NEDD9: variants seen among roughly 807,000 people sequenced by gnomAD.
NEDD9 encodes enhancer of filamentation 1.
Under a neutral mutation model 76.6 loss-of-function variants are expected in NEDD9, and 26 were observed. The observed-to-expected ratio is 0.34, with a 90% CI of 0.25 to 0.47. NEDD9 has a LOEUF of 0.47. NEDD9 is among the 20% of genes least tolerant of loss of function. The pLI, the probability that NEDD9 is intolerant of heterozygous loss-of-function variation, is 1.00. For missense variants in NEDD9, 937 were observed against 1,058.5 expected (o/e 0.89, Z 1.59); for synonymous variants, 392 against 414.2 (o/e 0.95, Z 0.65).
At chr6:11,353,342 A>G (rs1438765075) in intron 1 of NEDD9, among the ~76,000 whole-genome samples, 2 of 152,192 alleles carry the variant, frequency 1.3e-5, no homozygotes, top group African/African-American at 4.8e-5. Context: ...ATACAATATG[A>G]CTGCTGTTTT....
At chr6:11,381,842 C>T (rs1190958720) in intron 1 of NEDD9, among the ~76,000 whole-genome samples, 1 of 152,172 alleles carries the variant, frequency 6.6e-6, no homozygotes, top group Non-Finnish European at 1.5e-5. Flanking sequence ...TCTCTGACGA[C>T]AGTAGGAAGA....
At chr6:11,271,207 C>T (rs1446610579) in intron 3 of NEDD9, among the ~76,000 whole-genome samples, 1 of 151,976 alleles carries the variant, frequency 6.6e-6, no homozygotes, top group Non-Finnish European at 1.5e-5. Context: ...TTTTTTTAAC[C>T]TTATTGTTTT....
intron 2 of NEDD9, among the ~76,000 whole-genome samples, chr6:11,332,762 T>C (rs1208077765): frequency 6.6e-6 from 1 of 152,172 alleles, no homozygotes; most frequent in Non-Finnish European, 1.5e-5. Flanking sequence ...GTTCTCAGCA[T>C]CTAGCACCAT....
At chr6:11,351,773 C>T (rs2113536239) in intron 1 of NEDD9, among the ~76,000 whole-genome samples, 1 of 152,320 alleles carries the variant, frequency 6.6e-6, no homozygotes, top group South Asian at 2.1e-4. Context: ...CTTCATTTCC[C>T]CTCAAAGGCT....
At chr6:11,378,533 A>G (rs1485644082) in intron 1 of NEDD9, among the ~76,000 whole-genome samples, 3 of 152,222 alleles carry the variant, frequency 2.0e-5, no homozygotes, top group Non-Finnish European at 4.4e-5. Context: ...AGGGGCACAC[A>G]GCAGGCTTTC....
intron 3 of NEDD9, among the ~76,000 whole-genome samples, chr6:11,301,896 G>T (rs1437464860): frequency 6.6e-6 from 1 of 152,144 alleles, no homozygotes; most frequent in Non-Finnish European, 1.5e-5. Context: ...AGCACTAAAT[G>T]CATACAAGAG....
At chr6:11,251,909 C>T (rs541013145) in intron 3 of NEDD9, among the ~76,000 whole-genome samples, 16 of 152,172 alleles carry the variant, frequency 1.1e-4, no homozygotes, top group Non-Finnish European at 2.1e-4. Context: ...TGTGCTGCTT[C>T]ATGCTTTGGC....
At chr6:11,365,475 A>T (rs978244014) in intron 1 of NEDD9, among the ~76,000 whole-genome samples, 1 of 152,240 alleles carries the variant, frequency 6.6e-6, no homozygotes, top group Admixed American at 6.5e-5. Context: ...ACACTCCTTG[A>T]AATAAGTAGA....
intron 2 of NEDD9, among the ~76,000 whole-genome samples, chr6:11,197,636 G>A (rs1030627773): frequency 1.3e-5 from 2 of 152,158 alleles, no homozygotes; most frequent in African/African-American, 4.8e-5. Context: ...CTGGGTCCTG[G>A]CAGGATAGGA....
chr6:11,205,896 G>A (rs1758595446), intron 2 of NEDD9, among the ~76,000 whole-genome samples: 1 of 152,154 alleles, frequency 6.6e-6, no homozygotes, highest in Admixed American at 6.5e-5. Flanking sequence ...CCAAAGTGCT[G>A]GAATTACAGG....
chr6:11,250,745 C>T (rs767600502), intron 3 of NEDD9, among the ~76,000 whole-genome samples: 9 of 152,174 alleles, frequency 5.9e-5, no homozygotes, highest in African/African-American at 1.9e-4. Flanking sequence ...CCCCACATCC[C>T]GTCTCTCATT....
rs181974915 is a variant in NEDD9 at position 11,307,940 on chromosome 6, G to A, written c.-152-1785C>T. ...CCATGAACTTTCTCAAGGGGAAAGA[G>A]GTCTGTGGGGCCAAGAGACCATGCC... On this transcript the variant is annotated intron_variant, in intron 2 of 3. Coordinates refer to the NEDD9 transcript ENST00000397378. 2.8e-3 allele frequency among the ~76,000 whole-genome samples: 425 copies of A among 152,156 alleles called. 1 individual carries two copies. Among genetic ancestry groups the A allele is most frequent in the Non-Finnish European group, 4.3e-3 (291 of 68,004 alleles).
chr6:11,266,967 G>A (rs1262445904), intron 3 of NEDD9, among the ~76,000 whole-genome samples: 3 of 152,212 alleles, frequency 2.0e-5, no homozygotes, highest in Non-Finnish European at 4.4e-5. Context: ...TGAATCAGGA[G>A]CAAAGTATCA....
At chr6:11,293,274 A>G (rs1760818667) in intron 3 of NEDD9, among the ~76,000 whole-genome samples, 1 of 151,784 alleles carries the variant, frequency 6.6e-6, no homozygotes, top group Non-Finnish European at 1.5e-5. Flanking sequence ...GAGAAATTGG[A>G]GGTTCAGAGA....
At chr6:11,282,264 T>C (rs988380115) in intron 3 of NEDD9, among the ~76,000 whole-genome samples, 1 of 152,228 alleles carries the variant, frequency 6.6e-6, no homozygotes, top group East Asian at 1.9e-4. Flanking sequence ...GGAGCAATTT[T>C]ACAGTTTGGC....
chr6:11,289,492 G>T (rs781325264), intron 3 of NEDD9, among the ~76,000 whole-genome samples: 1 of 151,656 alleles, frequency 6.6e-6, no homozygotes, highest in Non-Finnish European at 1.5e-5. Context: ...TCGCTATTTC[G>T]CCCAGGCTGG....
chr6:11,299,985 G>A (rs1035940514), intron 3 of NEDD9, among the ~76,000 whole-genome samples: 1 of 152,160 alleles, frequency 6.6e-6, no homozygotes, highest in Non-Finnish European at 1.5e-5. Context: ...CACCAGCAAA[G>A]GAACAAAACG....
intron 3 of NEDD9, among the ~76,000 whole-genome samples, chr6:11,291,287 T>G (rs1370088158): frequency 1.4e-5 from 2 of 144,808 alleles, no homozygotes; most frequent in African/African-American, 2.7e-5. Context: ...TTTTTTTTTT[T>G]TTTTTGAGAC....
Position 11,319,460 on chromosome 6 carries a change from T to A in NEDD9, c.-152-13305A>T, listed in dbSNP as rs1008083917. ...CACACACTAACATGTACACACACACTGGTACACACTCACACTAACAAGCAA... is the reference window on the plus strand; with the variant it reads ...CACACACTAACATGTACACACACACAGGTACACACTCACACTAACAAGCAA... On this transcript the variant is annotated intron_variant, in intron 2 of 3. Transcript: ENST00000397378. Among the ~76,000 whole-genome samples, 4 of 145,812 alleles carry A rather than the reference T, an allele frequency of 2.7e-5. No individual in the cohort carries two copies. In the East Asian group the frequency reaches 6.2e-4, roughly 22 times the overall value.
Sources: allele counts gnomAD v4.1 joint callset (sites outside exome capture counted in the v4.1 genomes callset), GRCh38; gene constraint gnomAD v4.1.1; transcripts MANE v1.5; gene names NCBI Gene and HGNC (gene_info 2026-07-23, HGNC 2026-07-21).